Variants in AFF3 observed in about 807,000 individuals in gnomAD.
AFF3 encodes the protein ALF transcription elongation factor 3, also known as AF4/FMR2 family member 3.
In AFF3, 32 loss-of-function variants were observed where a neutral mutation model predicts 129.7. The ratio of observed to expected loss-of-function variants is 0.25; its 90% CI spans 0.19 to 0.33. The LOEUF (loss-of-function observed/expected upper bound fraction) is 0.33. Among genes scored for constraint, AFF3 ranks in the 10% least tolerant of loss-of-function variants. The pLI, the probability that AFF3 is intolerant of heterozygous loss-of-function variation, is 1.00. For missense variants in AFF3, 1,373 were observed against 1,592.0 expected (o/e 0.86, Z 2.34); for synonymous variants, 644 against 635.4 (o/e 1.01, Z -0.20).
At chr2:99,859,482 A>G (rs1690806433) in intron 7 of AFF3, among the ~76,000 whole-genome samples, 1 of 152,188 alleles carries the variant, frequency 6.6e-6, no homozygotes. Flanking sequence ...CTTATATTAC[A>G]ACCAGGTTTG....
At chr2:99,596,854 T>G (rs542769331) in intron 14 of AFF3, among the ~76,000 whole-genome samples, 1 of 152,190 alleles carries the variant, frequency 6.6e-6, no homozygotes, top group African/African-American at 2.4e-5. Context: ...GGAAATCAGT[T>G]TGAAGTACCC....
At chr2:99,865,488 G>A (rs928649092) in intron 7 of AFF3, among the ~76,000 whole-genome samples, 1 of 152,236 alleles carries the variant, frequency 6.6e-6, no homozygotes, top group African/African-American at 2.4e-5. Flanking sequence ...GATTCAGAAA[G>A]ATCTCGGTTA....
At chr2:99,723,389 A>G (rs1679080093) in intron 11 of AFF3, among the ~76,000 whole-genome samples, 1 of 152,244 alleles carries the variant, frequency 6.6e-6, no homozygotes, top group South Asian at 2.1e-4. Flanking sequence ...CCAACCTTGT[A>G]TTACAATTTA....
At chr2:100,115,502 T>C (rs74525736) in intron 2 of AFF3, among the ~76,000 whole-genome samples, 2,819 of 152,208 alleles carry the variant, frequency 0.019, 96 homozygotes, top group African/African-American at 0.065. Context: ...CTCCAGTGGG[T>C]TGAGATCATA....
At chr2:99,946,762 A>T (rs1225113843) in intron 7 of AFF3, among the ~76,000 whole-genome samples, 1 of 152,218 alleles carries the variant, frequency 6.6e-6, no homozygotes, top group African/African-American at 2.4e-5. Context: ...CAGTACCAAG[A>T]GTTGTTGTGT....
rs886220833 is a variant in AFF3, at chr2:99,862,818, C to T, written c.874-25294G>A. On this transcript the variant is annotated intron_variant, in intron 7 of 24. Transcript: ENST00000672756. Reference sequence around the variant, plus strand: ...TAAATTAAAATCTAGTGCCAGACACCAAAAGGTTTCCTCTTCCTGTCCCTC... The same window carrying T: ...TAAATTAAAATCTAGTGCCAGACACTAAAAGGTTTCCTCTTCCTGTCCCTC... Among the ~76,000 whole-genome samples the T allele has an allele frequency of 2.0e-5, 3 of 152,212 alleles. No individual in the cohort carries two copies. In the East Asian group the frequency reaches 5.8e-4, roughly 29 times the overall value.
intron 20 of AFF3, among the ~76,000 whole-genome samples, chr2:99,562,974 G>A (rs968459847): frequency 7.2e-5 from 11 of 151,974 alleles, no homozygotes; most frequent in East Asian, 5.8e-4. Context: ...GGCTGAGCTC[G>A]TGTGGTGGCA....
chr2:99,815,283 T>G (rs1187014614), intron 8 of AFF3, among the ~76,000 whole-genome samples: 1 of 152,238 alleles, frequency 6.6e-6, no homozygotes, highest in Non-Finnish European at 1.5e-5. Flanking sequence ...CTGTAACCAT[T>G]TCTAGGTGTA....
chr2:99,689,067 A>G (rs796367666), intron 11 of AFF3, among the ~76,000 whole-genome samples: 19 of 152,216 alleles, frequency 1.2e-4, no homozygotes, highest in African/African-American at 2.9e-4. Flanking sequence ...AGCAGTGTCC[A>G]TCTTATTTCT....
intron 10 of AFF3, among the ~76,000 whole-genome samples, chr2:99,740,575 A>G (rs1680640631): frequency 6.7e-6 from 1 of 149,976 alleles, no homozygotes; most frequent in African/African-American, 2.5e-5. Context: ...GATGGTGAGC[A>G]TTTTTTCATG....
intron 17 of AFF3, among the ~76,000 whole-genome samples, chr2:99,579,146 C>T (rs1234876222): frequency 6.6e-6 from 1 of 152,210 alleles, no homozygotes; most frequent in African/African-American, 2.4e-5. Flanking sequence ...TGTCTCACAC[C>T]TGTAATCCCA....
At chr2:100,036,929 A>T (rs1229779472) in intron 4 of AFF3, among the ~76,000 whole-genome samples, 1 of 152,172 alleles carries the variant, frequency 6.6e-6, no homozygotes, top group Non-Finnish European at 1.5e-5. Flanking sequence ...GTAACCCTCA[A>T]TAACCTACAG....
At chr2:99,772,266 C>T (rs888638063) in intron 8 of AFF3, among the ~76,000 whole-genome samples, 2 of 152,168 alleles carry the variant, frequency 1.3e-5, no homozygotes, top group African/African-American at 4.8e-5. Flanking sequence ...TTTGTTCTGA[C>T]CAGGCCGTGT....
chr2:99,980,835 G>A (rs995172141), intron 7 of AFF3, among the ~76,000 whole-genome samples: 2 of 152,058 alleles, frequency 1.3e-5, no homozygotes, highest in African/African-American at 2.4e-5. Context: ...TGTAACAATT[G>A]GAAAAGAGCA....
chr2:99,696,425 T>C (rs1008317120), intron 11 of AFF3, among the ~76,000 whole-genome samples: 1 of 152,168 alleles, frequency 6.6e-6, no homozygotes, highest in Non-Finnish European at 1.5e-5. Flanking sequence ...CATTTAATAT[T>C]TGCAAAAGGT....
At position 99,593,835 on chromosome 2, in the gene AFF3, G is replaced by A. The variant is rs554297237; in HGVS notation, c.1826C>T (p.Ala609Val). 13 of 1,603,286 alleles carry A rather than the reference G, an allele frequency of 8.1e-6. No homozygotes were observed. The highest frequency in any genetic ancestry group is 6.7e-5 in the East Asian group (3 of 44,582). The change falls in exon 15 of 25, where the codon GCG becomes GTG. Residue 609 changes from alanine to valine, a missense_variant. Around this residue, in one of 9 missense-constraint regions of AFF3, gnomAD observed 466 missense variants for 505.0 expected, o/e 0.92. Coordinates refer to ENST00000672756, the MANE Select transcript of AFF3 (RefSeq NM_001386135.1). Reference sequence around the variant, plus strand: ...GCTCGTCCCCAGCGCGTCCGCGGCCGCGGGCTCCTCGGGCCGGTGGCAGTT... The same window carrying A: ...GCTCGTCCCCAGCGCGTCCGCGGCCACGGGCTCCTCGGGCCGGTGGCAGTT... ...GANCHRPEEP[A>V]AADALGTSVV...
intron 11 of AFF3, among the ~76,000 whole-genome samples, chr2:99,719,934 G>T (rs961975239): frequency 1.3e-5 from 2 of 152,186 alleles, no homozygotes; most frequent in African/African-American, 4.8e-5. Context: ...CTACTCAGGA[G>T]GCTGAGGCAG....
chr2:99,676,543 C>T (rs570907950), intron 11 of AFF3, among the ~76,000 whole-genome samples: 5 of 152,324 alleles, frequency 3.3e-5, no homozygotes, highest in East Asian at 3.9e-4. Context: ...CGGGACCTTA[C>T]GCCAGGGAGC....
chr2:100,029,835 C>A (rs564347483), intron 4 of AFF3, among the ~76,000 whole-genome samples: 17 of 152,234 alleles, frequency 1.1e-4, no homozygotes, highest in Admixed American at 7.9e-4. Context: ...GAGACCAAGG[C>A]AGGTAGACTG....
Sources: allele counts gnomAD v4.1 joint callset (sites outside exome capture counted in the v4.1 genomes callset), GRCh38; gene constraint gnomAD v4.1.1; regional missense constraint gnomAD v4.1.1; transcripts MANE v1.5; gene names NCBI Gene and HGNC (gene_info 2026-07-23, HGNC 2026-07-21).